Variants in SH3BGRL2 observed in about 807,000 individuals in gnomAD.
SH3BGRL2 encodes the protein SH3 domain-binding glutamic acid-rich-like protein 2.
A neutral mutation model predicts 14.8 loss-of-function variants in SH3BGRL2; 21 were observed. That is an observed-to-expected ratio of 1.42 (90% CI 1.01 to 2.05). SH3BGRL2 has a LOEUF of 2.05. SH3BGRL2 is among the 30% of genes most tolerant of loss of function. The pLI, the probability that SH3BGRL2 is intolerant of heterozygous loss-of-function variation, is 0.00. For synonymous variants in SH3BGRL2, 50 were observed against 47.8 expected, an observed-to-expected ratio of 1.05 and a Z score of -0.19; for missense variants, 147 against 130.8, an observed-to-expected ratio of 1.12 and a Z score of -0.61.
At chr6:79,596,410 T>C in the SH3BGRL2 span, among the ~76,000 whole-genome samples, 3 of 152,280 alleles carry the variant, frequency 2.0e-5, no homozygotes, top group African/African-American at 2.4e-5. Flanking sequence ...TCATCCCACC[T>C]CAGCACCTCC....
In SH3BGRL2 at chr6:79,701,964, G is replaced by C. The variant is rs150437081; in HGVS notation, c.*2455G>C. ...TTTCAAGACAGAATTTTTATTTCCT[G>C]TAGTAGGCTTGCTGGAGCAAAGGAA... is the stretch of plus-strand genomic sequence containing the variant. On this transcript the variant is annotated 3_prime_UTR_variant, in exon 4 of 4. Transcript: ENST00000369838. The C allele has an allele frequency of 5.8e-4, 88 of 152,694 alleles. No homozygotes were observed. Among genetic ancestry groups the C allele is most frequent in the Non-Finnish European group, 6.8e-4 (46 of 68,028 alleles). The allele number at this position is 152,694 out of a possible 1,614,324, so 9.5% of individuals were successfully genotyped here. A position where few individuals can be genotyped will look rare whatever the true frequency, so the allele number is the denominator to read the frequency against.
the SH3BGRL2 span, among the ~76,000 whole-genome samples, chr6:79,584,999 A>G: frequency 6.6e-6 from 1 of 152,088 alleles, no homozygotes; most frequent in African/African-American, 2.4e-5. Flanking sequence ...TTAAGAAAAC[A>G]AAATGTGCTA....
At chr6:79,578,060 G>C in the SH3BGRL2 span, among the ~76,000 whole-genome samples, 275 of 152,356 alleles carry the variant, frequency 1.8e-3, no homozygotes, top group African/African-American at 6.4e-3. Context: ...CGGCAGCCTG[G>C]CTGGGAGAGG....
chr6:79,619,681 C>T, the SH3BGRL2 span, among the ~76,000 whole-genome samples: 30 of 152,182 alleles, frequency 2.0e-4, no homozygotes, highest in Non-Finnish European at 4.0e-4. Flanking sequence ...TGCTGTTTCC[C>T]CCATTTCCAG....
intron 1 of SH3BGRL2, among the ~76,000 whole-genome samples, chr6:79,664,294 C>T (rs1478579274): frequency 6.6e-6 from 1 of 152,234 alleles, no homozygotes; most frequent in African/African-American, 2.4e-5. Flanking sequence ...ATTCACCCAC[C>T]TTGGAACGGA....
At chr6:79,591,123 T>C in the SH3BGRL2 span, among the ~76,000 whole-genome samples, 1 of 152,236 alleles carries the variant, frequency 6.6e-6, no homozygotes, top group Admixed American at 6.5e-5. Flanking sequence ...AAGATAGTTC[T>C]ATATTTTTAG....
chr6:79,565,598 G>A, the SH3BGRL2 span, among the ~76,000 whole-genome samples: 2 of 152,108 alleles, frequency 1.3e-5, no homozygotes, highest in Non-Finnish European at 2.9e-5. Flanking sequence ...AGGCAGAAAG[G>A]TAATTCCTTG....
chr6:79,627,646 G>T (rs1768758935), upstream of SH3BGRL2, among the ~76,000 whole-genome samples: 1 of 152,110 alleles, frequency 6.6e-6, no homozygotes. Context: ...CTTGGTTTCT[G>T]TGACAGCATA....
At chr6:79,598,996 G>A in the SH3BGRL2 span, among the ~76,000 whole-genome samples, 704 of 150,404 alleles carry the variant, frequency 4.7e-3, 6 homozygotes, top group African/African-American at 0.017. Flanking sequence ...CAGGAGAATC[G>A]CTTGAACCTG....
the SH3BGRL2 span, among the ~76,000 whole-genome samples, chr6:79,581,770 G>A: frequency 1.3e-5 from 2 of 152,158 alleles, no homozygotes; most frequent in Non-Finnish European, 2.9e-5. Context: ...ACATAGTGTT[G>A]GAAGTTCTGG....
upstream of SH3BGRL2, among the ~76,000 whole-genome samples, chr6:79,629,907 G>C (rs144488397): frequency 1.3e-5 from 2 of 152,254 alleles, no homozygotes; most frequent in African/African-American, 4.8e-5. Flanking sequence ...CTTCATAGCT[G>C]AATAATTCCA....
intron 2 of SH3BGRL2, among the ~76,000 whole-genome samples, chr6:79,680,167 G>A (rs1287762478): frequency 6.6e-6 from 1 of 152,174 alleles, no homozygotes. Context: ...CAAATCCAGT[G>A]TCATGGAGCT....
At chr6:79,641,577 T>A (rs763781317) in intron 1 of SH3BGRL2, among the ~76,000 whole-genome samples, 2 of 152,194 alleles carry the variant, frequency 1.3e-5, no homozygotes, top group African/African-American at 2.4e-5. Context: ...CCTCTTCATT[T>A]GTGTAAGTGG....
At chr6:79,571,367 AT>A in the SH3BGRL2 span, among the ~76,000 whole-genome samples, 1 of 152,226 alleles carries the variant, frequency 6.6e-6, no homozygotes, top group Admixed American at 6.5e-5. Flanking sequence ...CTTTTATTAG[AT>A]TATAAACACA....
the SH3BGRL2 span, among the ~76,000 whole-genome samples, chr6:79,593,549 T>A: frequency 6.6e-6 from 1 of 152,214 alleles, no homozygotes; most frequent in Non-Finnish European, 1.5e-5. Flanking sequence ...CTAAGGACCC[T>A]TCAGTGAATG....
At chr6:79,539,520 C>G in the SH3BGRL2 span, among the ~76,000 whole-genome samples, 2 of 152,260 alleles carry the variant, frequency 1.3e-5, no homozygotes, top group African/African-American at 4.8e-5. Flanking sequence ...TTTTTAATAT[C>G]CTGGGCTTCT....
At chr6:79,645,846 T>C (rs1769132787) in intron 1 of SH3BGRL2, among the ~76,000 whole-genome samples, 1 of 152,200 alleles carries the variant, frequency 6.6e-6, no homozygotes, top group Admixed American at 6.5e-5. Context: ...GGTTAAAAAG[T>C]ACCTGTCTAT....
the SH3BGRL2 span, among the ~76,000 whole-genome samples, chr6:79,554,798 T>C: frequency 6.6e-6 from 1 of 152,182 alleles, no homozygotes; most frequent in African/African-American, 2.4e-5. Context: ...ATGGAAAATA[T>C]AATGATTACT....
chr6:79,638,773 T>C (rs1489515232), intron 1 of SH3BGRL2, among the ~76,000 whole-genome samples: 1 of 152,208 alleles, frequency 6.6e-6, no homozygotes, highest in East Asian at 1.9e-4. Flanking sequence ...TTAGATCACT[T>C]ATCCAATTTT....
Sources: gnomAD v4.1 joint callset for allele counts (sites outside exome capture counted in the v4.1 genomes callset) on GRCh38, gnomAD v4.1.1 for gene constraint, MANE v1.5 for transcripts, NCBI Gene and HGNC (gene_info 2026-07-23, HGNC 2026-07-21) for gene names.